The following FAP variants were observed in gnomAD, a reference collection of about 807,000 sequenced individuals.
The protein encoded by FAP is prolyl endopeptidase FAP.
In FAP, 110 loss-of-function variants were observed where a neutral mutation model predicts 126.5. The ratio of observed to expected loss-of-function variants is 0.87; its 90% confidence interval spans 0.74 to 1.02. The LOEUF is 1.02. Ranked by LOEUF, FAP falls within the 50% of genes least tolerant of loss-of-function variation. The pLI, the probability that FAP is intolerant of heterozygous loss-of-function variation, is 0.00. For missense variants in FAP, 919 were observed against 909.2 expected, an observed-to-expected ratio of 1.01 and a Z score of -0.14; for synonymous variants, 334 against 297.3, an observed-to-expected ratio of 1.12 and a Z score of -1.27.
In FAP at chr2:162,219,896, C is replaced by T. The variant is rs141580437; in HGVS notation, c.443G>A (p.Arg148His). 16 of 1,612,002 alleles carry T rather than the reference C, an allele frequency of 9.9e-6. No homozygotes were observed. The highest frequency in any genetic ancestry group is 1.3e-5 in the African/African-American group (1 of 74,692). ...GEFVRGNELP[R>H]PIQYLCWSPV... ...CGACCAGCATAAATACTGAATTGGA[C>T]GAGGAAGCTCATTTCCTCTTACAAA... The change falls in exon 7 of 26, where the codon CGT becomes CAT. Residue 148 changes from arginine (R) to histidine (H), a missense_variant. Physicochemically the swap from Arg to His is conservative, Grantham distance 29. Coordinates refer to ENST00000188790, the MANE Select transcript of FAP (RefSeq NM_004460.5).
chr2:162,201,262 A>G (rs1357911310), intron 14 of FAP, among the ~76,000 whole-genome samples: 1 of 152,192 alleles, frequency 6.6e-6, no homozygotes, highest in Non-Finnish European at 1.5e-5. Flanking sequence ...ACGAATGTGA[A>G]AAGTTTGGGA....
At chr2:162,187,407 A>T (rs768058512) in intron 20 of FAP, among the ~76,000 whole-genome samples, 6 of 152,034 alleles carry the variant, frequency 3.9e-5, no homozygotes, top group Non-Finnish European at 7.4e-5. Context: ...TTTACGAACT[A>T]TTATTCTTAG....
rs752602628 is a variant in FAP, at chr2:162,189,180, G to GA, written c.1550-9dup. 1,814 of 1,527,310 alleles carry GA rather than the reference G, an allele frequency of 1.2e-3. No homozygotes were observed. The highest frequency in any genetic ancestry group is 1.8e-3 in the South Asian group (148 of 80,686). The allele number at this position is 1,527,310 out of a possible 1,614,324, so 94.6% of individuals were successfully genotyped here. A position where few individuals can be genotyped will look rare whatever the true frequency, so the allele number is the denominator to read the frequency against. On this transcript the variant is annotated splice_polypyrimidine_tract_variant and intron_variant, in intron 18 of 25. Coordinates refer to ENST00000188790, the MANE Select transcript of FAP (RefSeq NM_004460.5). ...TCATCTTGTACCATAAAGCTTTGAG[G>GA]AAAAAAAAAGGAGAAAAATCTTCAT...
chr2:162,187,845 G>A (rs6715552), intron 20 of FAP, among the ~76,000 whole-genome samples: 6,266 of 152,086 alleles, frequency 0.041, 665 homozygotes, highest in Admixed American at 0.24. Context: ...TTTTCCTGAA[G>A]ATCATCATTA....
intron 6 of FAP, 97 bp downstream of exon 6, chr2:162,223,511 T>G: frequency 1.3e-6 from 1 of 784,450 alleles, no homozygotes. Flanking sequence ...CAAAGATCAT[T>G]AAGAAGATAA....
chr2:162,239,564 C>G (rs888863995), intron 2 of FAP, among the ~76,000 whole-genome samples: 1 of 151,870 alleles, frequency 6.6e-6, no homozygotes, highest in Non-Finnish European at 1.5e-5. Flanking sequence ...TCTCTACTCT[C>G]GGAATTAAGA....
chr2:162,194,305 A>G (rs2106233875), intron 17 of FAP: 1 of 170,056 alleles, frequency 5.9e-6, no homozygotes, highest in South Asian at 1.5e-4. Context: ...CACACATGCA[A>G]ACAACCCCCT....
At chr2:162,186,231 G>A (rs1687863903) in intron 20 of FAP, among the ~76,000 whole-genome samples, 1 of 152,090 alleles carries the variant, frequency 6.6e-6, no homozygotes, top group Non-Finnish European at 1.5e-5. Context: ...GTTGTTGAAT[G>A]GCTGAGTATA....
chr2:162,216,110 A>G, intron 9 of FAP, 109 bp from the exon 10 acceptor site: 1 of 715,546 alleles, frequency 1.4e-6, no homozygotes. Flanking sequence ...AATCTTATGT[A>G]TATCACTGTG....
intron 16 of FAP, chr2:162,198,518 C>T (rs1688354019): frequency 2.9e-6 from 2 of 684,902 alleles, no homozygotes; most frequent in Non-Finnish European, 4.5e-6. Context: ...TGCTTAGCTG[C>T]AGTGCGGACC....
intron 11 of FAP, among the ~76,000 whole-genome samples, chr2:162,212,408 T>A (rs187806189): frequency 5.3e-5 from 8 of 152,328 alleles, no homozygotes; most frequent in Admixed American, 5.2e-4. Context: ...GATTAGTCTA[T>A]CCTTTCTTTG....
Position 162,224,160 on chromosome 2 carries a change from GA to G in FAP, c.360+305del, listed in dbSNP as rs549456384. ...GAGTACAGTTTTAAAAATAATAATT[GA>G]AAAATAAATAAGAATATTTAGCTTA... On this transcript the variant is annotated intron_variant, in intron 5 of 25. Transcript: ENST00000188790. Among the ~76,000 whole-genome samples the G allele has an allele frequency of 2.4e-3, 361 of 152,160 alleles. 3 individuals are homozygous for G. Among genetic ancestry groups the G allele is most frequent in the African/African-American group, 8.6e-3 (357 of 41,540 alleles).
chr2:162,179,764 A>C, intron 21 of FAP, among the ~76,000 whole-genome samples: 1 of 72,360 alleles, frequency 1.4e-5, no homozygotes, highest in Non-Finnish European at 2.9e-5. Flanking sequence ...GCACAGATCT[A>C]TCTATCTATC....
chr2:162,170,824 C>T lies in FAP; in HGVS notation c.*155G>A, dbSNP rs1437225331. 3.4e-6 allele frequency: 2 copies of T among 581,464 alleles called. No individual in the cohort carries two copies. Among genetic ancestry groups the T allele is most frequent in the African/African-American group, 1.9e-5 (1 of 53,562 alleles). 36.0% of individuals were successfully genotyped at this position (581,464 alleles called of 1,614,324 possible). On this transcript the variant is annotated 3_prime_UTR_variant, in exon 26 of 26. Coordinates refer to ENST00000188790, the MANE Select transcript of FAP (RefSeq NM_004460.5). ...TGTAAACAATATTTAGCTTGAACTT[C>T]TGAGTCCTCATCTTTTTTTTAACAG...
At chr2:162,187,833 T>C (rs1300392244) in intron 20 of FAP, among the ~76,000 whole-genome samples, 2 of 152,092 alleles carry the variant, frequency 1.3e-5, no homozygotes, top group Non-Finnish European at 2.9e-5. Flanking sequence ...TTCAGATATT[T>C]GTTTTCCTGA....
At chr2:162,198,634 A>G (rs1688359197) in intron 16 of FAP, 123 bp downstream of exon 16, 1 of 1,234,182 alleles carries the variant, frequency 8.1e-7, no homozygotes, top group Non-Finnish European at 1.1e-6. Context: ...TATAAGCACA[A>G]GATAAGATTC....
At chr2:162,203,257 C>T in intron 12 of FAP, 112 bp from the exon 13 acceptor site, 1 of 640,270 alleles carries the variant, frequency 1.6e-6, no homozygotes, top group Non-Finnish European at 2.7e-6. Flanking sequence ...ATCAGAATGT[C>T]TCGCCTCCTC....
intron 4 of FAP, 143 bp downstream of exon 4, chr2:162,225,340 A>G (rs1559790601): frequency 2.0e-6 from 2 of 979,296 alleles, no homozygotes; most frequent in Non-Finnish European, 2.9e-6. Flanking sequence ...GGACTAGCAG[A>G]CAGAACGGGA....
chr2:162,238,471 G>A (rs1353620944), intron 2 of FAP, among the ~76,000 whole-genome samples: 2 of 152,212 alleles, frequency 1.3e-5, no homozygotes, highest in African/African-American at 4.8e-5. Context: ...CTCAAAGGGA[G>A]TTTGCCAAGA....
Sources: allele counts gnomAD v4.1 joint callset (sites outside exome capture counted in the v4.1 genomes callset), GRCh38; gene constraint gnomAD v4.1.1; transcripts MANE v1.5; gene names NCBI Gene and HGNC (gene_info 2026-07-23, HGNC 2026-07-21).